PEAK1: variants seen among roughly 807,000 people sequenced by gnomAD.
PEAK1 encodes inactive tyrosine-protein kinase PEAK1.
A neutral mutation model predicts 124.7 loss-of-function variants in PEAK1; 54 were observed. The ratio of observed to expected loss-of-function variants is 0.43; its 90% CI spans 0.35 to 0.54. The LOEUF is 0.54. Among genes scored for constraint, PEAK1 ranks in the 20% least tolerant of loss-of-function variants. The pLI is 0.01. For missense variants in PEAK1, 2,046 were observed against 2,134.5 expected, an observed-to-expected ratio of 0.96 and a Z score of 0.82; for synonymous variants, 719 against 760.0, an observed-to-expected ratio of 0.95 and a Z score of 0.89.
intron 6 of PEAK1, among the ~76,000 whole-genome samples, chr15:77,219,004 A>G (rs2059268288): frequency 6.6e-6 from 1 of 152,160 alleles, no homozygotes; most frequent in African/African-American, 2.4e-5. Flanking sequence ...ATTTGAAGTT[A>G]GGATTAAATC....
At position 77,291,067 on chromosome 15, in the gene PEAK1, G is replaced by C. The variant is rs112572742; in HGVS notation, c.-602-4563C>G. 8.5e-3 allele frequency among the ~76,000 whole-genome samples: 1,288 copies of C among 152,328 alleles called. 20 individuals are homozygous for C. Among genetic ancestry groups the C allele is most frequent in the African/African-American group, 0.03 (1,229 of 41,574 alleles). ...ATGCTAACAAGCACAGAATCACTTT[G>C]AAGTGTAACAGTCAATGCATGGGGT... On this transcript the variant is annotated intron_variant, in intron 2 of 9. Coordinates refer to ENST00000682557, the MANE Select transcript of PEAK1 (RefSeq NM_001385026.1).
At chr15:77,257,462 T>C (rs2152932483) in intron 5 of PEAK1, among the ~76,000 whole-genome samples, 1 of 150,942 alleles carries the variant, frequency 6.6e-6, no homozygotes, top group Admixed American at 6.6e-5. Context: ...TTGATTTGCA[T>C]TTCTCTGATG....
chr15:77,227,684 CTAGTAAATA>C (rs1489327063), intron 6 of PEAK1, among the ~76,000 whole-genome samples: 1 of 152,056 alleles, frequency 6.6e-6, no homozygotes, highest in East Asian at 1.9e-4. Context: ...AATAATTTTT[CTAGTAAATA>C]TATTTTTCTC....
Position 77,179,866 on chromosome 15 carries a change from T to C in PEAK1, c.2061A>G (p.Gln687=). 1 of 1,614,180 alleles carries C rather than the reference T, an allele frequency of 6.2e-7. No individual in the cohort carries two copies. The highest frequency in any genetic ancestry group is 1.1e-5 in the South Asian group (1 of 91,090). Reference sequence around the variant, plus strand: ...CTGTGCTGTTTGAAAACCCTTTAGTTTGAAGACAGTCAGTGGTTTTGCTAG... The same window carrying C: ...CTGTGCTGTTTGAAAACCCTTTAGTCTGAAGACAGTCAGTGGTTTTGCTAG... ...NTTSKTTDCL[Q]TKGFSNSTEH... Residue 687 remains glutamine (Q), a synonymous_variant, in exon 7 of 10, where the codon CAA becomes CAG. Coordinates refer to ENST00000682557, the MANE Select transcript of PEAK1 (RefSeq NM_001385026.1).
chr15:77,259,175 T>C (rs2061318654), intron 5 of PEAK1, among the ~76,000 whole-genome samples: 1 of 152,190 alleles, frequency 6.6e-6, no homozygotes, highest in Non-Finnish European at 1.5e-5. Context: ...AAATTTCTAA[T>C]ACAAACTACA....
intron 5 of PEAK1, among the ~76,000 whole-genome samples, chr15:77,282,518 A>C (rs1366611137): frequency 6.6e-6 from 1 of 152,152 alleles, no homozygotes; most frequent in Non-Finnish European, 1.5e-5. Context: ...TACAAAGGGA[A>C]TGCTTTAATA....
chr15:77,219,735 T>C (rs1247076852), intron 6 of PEAK1, among the ~76,000 whole-genome samples: 1 of 152,028 alleles, frequency 6.6e-6, no homozygotes, highest in Non-Finnish European at 1.5e-5. Context: ...CAAGCAAAAA[T>C]GACTTTCTGG....
chr15:77,402,685 C>G, intron 1 of PEAK1: 1 of 985,268 alleles, frequency 1.0e-6, no homozygotes, highest in Non-Finnish European at 1.2e-6. Context: ...GTTAATGGTT[C>G]CTAGTACACT....
intron 2 of PEAK1, among the ~76,000 whole-genome samples, chr15:77,317,961 T>C (rs1260878241): frequency 6.6e-6 from 1 of 152,150 alleles, no homozygotes; most frequent in African/African-American, 2.4e-5. Context: ...TCCATTTATA[T>C]AGCATTCTAA....
intron 2 of PEAK1, chr15:77,348,442 G>GA (rs2067005775): frequency 2.1e-6 from 2 of 937,732 alleles, no homozygotes; most frequent in South Asian, 4.9e-5. Flanking sequence ...TTTTTAAAAA[G>GA]AAAAAATAAT....
At chr15:77,314,692 A>G (rs2064762205) in intron 2 of PEAK1, among the ~76,000 whole-genome samples, 1 of 152,112 alleles carries the variant, frequency 6.6e-6, no homozygotes, top group African/African-American at 2.4e-5. Context: ...TAGATGACTG[A>G]ATAACAGTAG....
chr15:77,385,177 G>T (rs1183258433), intron 1 of PEAK1, among the ~76,000 whole-genome samples: 1 of 152,012 alleles, frequency 6.6e-6, no homozygotes, highest in Non-Finnish European at 1.5e-5. Flanking sequence ...CTATTACTCA[G>T]CAATAAGTAT....
intron 1 of PEAK1, among the ~76,000 whole-genome samples, chr15:77,398,665 G>C (rs1456066850): frequency 6.6e-6 from 1 of 152,158 alleles, no homozygotes; most frequent in African/African-American, 2.4e-5. Context: ...GTATCATACT[G>C]AATGGAGAAC....
At chr15:77,406,087 T>A (rs767591544) in intron 1 of PEAK1, among the ~76,000 whole-genome samples, 5 of 152,182 alleles carry the variant, frequency 3.3e-5, no homozygotes, top group Non-Finnish European at 7.3e-5. Flanking sequence ...AGGTTTTTTG[T>A]CTTTCTCATC....
chr15:77,153,330 G>A (rs1011969645), intron 8 of PEAK1, among the ~76,000 whole-genome samples: 17 of 152,098 alleles, frequency 1.1e-4, no homozygotes, highest in African/African-American at 4.1e-4. Context: ...GGGATCGGTG[G>A]TGATATCCCC....
intron 2 of PEAK1, among the ~76,000 whole-genome samples, chr15:77,319,850 A>C (rs1308930387): frequency 6.6e-6 from 1 of 152,188 alleles, no homozygotes; most frequent in East Asian, 1.9e-4. Context: ...TGGCAATATC[A>C]CTATGGATGA....
At chr15:77,317,022 A>T (rs180696573) in intron 2 of PEAK1, among the ~76,000 whole-genome samples, 1 of 152,334 alleles carries the variant, frequency 6.6e-6, no homozygotes, top group Non-Finnish European at 1.5e-5. Flanking sequence ...TGGAGGTTGC[A>T]GTGAACCAAG....
intron 2 of PEAK1, chr15:77,351,067 T>C (rs757050091): frequency 2.4e-5 from 10 of 416,802 alleles, no homozygotes; most frequent in Non-Finnish European, 2.6e-5. Context: ...GCAGAAGGCT[T>C]TGCTTACAGA....
chr15:77,261,937 A>C (rs908342473), intron 5 of PEAK1, among the ~76,000 whole-genome samples: 3 of 152,146 alleles, frequency 2.0e-5, no homozygotes, highest in African/African-American at 7.2e-5. Context: ...AAGCCAGAAG[A>C]GAGTGGGGGC....
Sources: gnomAD v4.1 joint callset for allele counts (sites outside exome capture counted in the v4.1 genomes callset) on GRCh38, gnomAD v4.1.1 for gene constraint, MANE v1.5 for transcripts, NCBI Gene and HGNC (gene_info 2026-07-23, HGNC 2026-07-21) for gene names.